KDM4C: variants seen among roughly 807,000 people sequenced by gnomAD.
The protein encoded by KDM4C is lysine demethylase 4C.
Under a neutral mutation model 129.3 loss-of-function variants are expected in KDM4C, and 81 were observed. That is an observed-to-expected ratio of 0.63 (90% CI 0.52 to 0.75). The LOEUF is 0.75. Among genes scored for constraint, KDM4C ranks in the 30% least tolerant of loss-of-function variants. The pLI, the probability that KDM4C is intolerant of heterozygous loss-of-function variation, is 0.00. For missense variants in KDM4C, 1,457 were observed against 1,304.0 expected (o/e 1.12, Z -1.81); for synonymous variants, 573 against 456.1 (o/e 1.26, Z -3.26).
intron 1 of KDM4C, among the ~76,000 whole-genome samples, chr9:6,740,195 T>G (rs916447985): frequency 4.0e-5 from 6 of 149,346 alleles, no homozygotes; most frequent in Non-Finnish European, 5.9e-5. Flanking sequence ...CAGCCTAATT[T>G]TTTGTTTTGT....
chr9:6,984,042 C>T, intron 9 of KDM4C, 124 bp from the exon 10 acceptor site: 2 of 631,266 alleles, frequency 3.2e-6, no homozygotes, highest in Non-Finnish European at 5.7e-6. Flanking sequence ...ATTGACTTGG[C>T]ATAGTGATTA....
chr9:6,724,034 A>T (rs1204560370), intron 1 of KDM4C: 2 of 152,266 alleles, frequency 1.3e-5, no homozygotes, highest in African/African-American at 4.8e-5. Context: ...GCTTACCTTC[A>T]TAATAGTAAA....
At chr9:6,835,302 G>A in intron 4 of KDM4C, 1 of 908,204 alleles carries the variant, frequency 1.1e-6, no homozygotes. Flanking sequence ...CCATTATGAA[G>A]TGTGATGTGG....
chr9:6,963,020 G>C (rs537113751), intron 8 of KDM4C, among the ~76,000 whole-genome samples: 23 of 152,272 alleles, frequency 1.5e-4, no homozygotes, highest in African/African-American at 5.1e-4. Flanking sequence ...TGTGGAATCA[G>C]GCTTCTTGGG....
At chr9:6,813,287 T>C (rs1246248713) in intron 3 of KDM4C, among the ~76,000 whole-genome samples, 2 of 152,222 alleles carry the variant, frequency 1.3e-5, no homozygotes, top group Non-Finnish European at 2.9e-5. Context: ...CTTCCTGCTT[T>C]GGGCTCCCAA....
intron 19 of KDM4C, among the ~76,000 whole-genome samples, chr9:7,151,032 C>G (rs1439739406): frequency 6.6e-6 from 1 of 152,124 alleles, no homozygotes; most frequent in Non-Finnish European, 1.5e-5. Context: ...AGCAGCGGAC[C>G]AGGCACTGTG....
chr9:7,152,904 TAAAGAA>T (rs1564183924), intron 19 of KDM4C, among the ~76,000 whole-genome samples: 1 of 152,126 alleles, frequency 6.6e-6, no homozygotes, highest in Non-Finnish European at 1.5e-5. Flanking sequence ...TCCTAATTCT[TAAAGAA>T]AAGAGCACAG....
chr9:7,057,880 A>G (rs143555818), intron 17 of KDM4C, among the ~76,000 whole-genome samples: 85 of 152,358 alleles, frequency 5.6e-4, no homozygotes, highest in Non-Finnish European at 1.0e-3. Flanking sequence ...AAGTTCAGAG[A>G]TACAGCTCTT....
intron 17 of KDM4C, among the ~76,000 whole-genome samples, chr9:7,093,980 G>C (rs187617038): frequency 2.0e-5 from 3 of 152,096 alleles, no homozygotes; most frequent in Admixed American, 2.0e-4. Context: ...GAAGGATAAG[G>C]GTAGCATTAT....
rs531909681 is a variant in KDM4C at position 6,793,120 on chromosome 9, G to A, written c.132G>A (p.Ala44=). The part of the protein sequence containing the change: ...AYMESKGAHR[A]GLAKVIPPKE... ...TGGAGTCTAAAGGAGCCCATCGTGC[G>A]GGTCTTGCAAAGGTGATTATCCTTC... Residue 44 remains alanine (A), a synonymous_variant, in exon 2 of 22, where the codon GCG becomes GCA. Transcript: ENST00000381309. 2.4e-5 allele frequency: 38 copies of A among 1,613,810 alleles called. No homozygotes were observed. In the South Asian group the frequency reaches 3.1e-4, roughly 13 times the overall value.
chr9:6,824,973 A>G (rs112372057), intron 4 of KDM4C, among the ~76,000 whole-genome samples: 9,916 of 151,906 alleles, frequency 0.065, 474 homozygotes, highest in Non-Finnish European at 0.1. Flanking sequence ...GTGAAACCCC[A>G]TCTCTACTAA....
At chr9:7,079,257 A>G (rs1318870437) in intron 17 of KDM4C, among the ~76,000 whole-genome samples, 1 of 152,248 alleles carries the variant, frequency 6.6e-6, no homozygotes, top group Non-Finnish European at 1.5e-5. Context: ...GCCAAAGGCC[A>G]AAATGAGTTT....
At chr9:7,089,312 T>C (rs1356280949) in intron 17 of KDM4C, among the ~76,000 whole-genome samples, 1 of 152,168 alleles carries the variant, frequency 6.6e-6, no homozygotes, top group Non-Finnish European at 1.5e-5. Flanking sequence ...AGGGAAAAAT[T>C]ATATACAGAG....
chr9:7,158,243 TTTC>T (rs1286339691), intron 19 of KDM4C, among the ~76,000 whole-genome samples: 1 of 152,170 alleles, frequency 6.6e-6, no homozygotes, highest in African/African-American at 2.4e-5. Context: ...TCTTCTCTCT[TTTC>T]TTCTTTACTA....
upstream of KDM4C, among the ~76,000 whole-genome samples, chr9:6,756,507 A>G (rs1343023599): frequency 6.6e-6 from 1 of 152,204 alleles, no homozygotes; most frequent in Non-Finnish European, 1.5e-5. Flanking sequence ...ACCTGAGGTC[A>G]GGAGTTTGTG....
Position 6,771,242 on chromosome 9 carries a change from C to A in KDM4C, c.-18+13039C>A, listed in dbSNP as rs535525684. Among the ~76,000 whole-genome samples the A allele has an allele frequency of 4.7e-5, 7 of 150,074 alleles. No homozygotes were observed. The South Asian group carries it at 1.5e-3, about 32-fold the overall frequency. ...CACTGCACCTGGCCTGATTGTGAAT[C>A]TTTAGGAATAATTGGAAAGTTTGCG... is the stretch of plus-strand genomic sequence containing the variant. On this transcript the variant is annotated intron_variant, in intron 1 of 21. Transcript: ENST00000381309.
In KDM4C at chr9:7,136,204, T is replaced by C. The variant is rs201102538; in HGVS notation, c.2781+7968T>C. On this transcript the variant is annotated intron_variant, in intron 19 of 21. Transcript: ENST00000381309. ...AATGTCCCATTTTATAGTATGAATA[T>C]AACACATTTTGTTTATCCATTCACC... 5.3e-5 allele frequency among the ~76,000 whole-genome samples: 8 copies of C among 152,376 alleles called. No individual in the cohort carries two copies. In the East Asian group the frequency reaches 1.5e-3, roughly 29 times the overall value.
intron 6 of KDM4C, 92 bp downstream of exon 6, chr9:6,880,153 A>G: frequency 1.5e-6 from 1 of 678,760 alleles, no homozygotes; most frequent in Non-Finnish European, 2.5e-6. Context: ...TACAATATAG[A>G]CCGTTACTCT....
intron 8 of KDM4C, among the ~76,000 whole-genome samples, chr9:6,921,787 C>G (rs1248068959): frequency 6.6e-6 from 1 of 152,150 alleles, no homozygotes; most frequent in East Asian, 1.9e-4. Context: ...CTGCCCCAAC[C>G]CCTACCCCCC....
Sources: allele counts gnomAD v4.1 joint callset (sites outside exome capture counted in the v4.1 genomes callset), GRCh38; gene constraint gnomAD v4.1.1; transcripts MANE v1.5; gene names NCBI Gene and HGNC (gene_info 2026-07-23, HGNC 2026-07-21).